GRK5: variants seen among roughly 807,000 people sequenced by gnomAD.
GRK5 encodes g protein-coupled receptor kinase GRK5.
GRK5 carries 40 observed loss-of-function variants against 78.4 expected under a neutral mutation model. That is an observed-to-expected ratio of 0.51 (90% CI 0.40 to 0.66). The LOEUF (loss-of-function observed/expected upper bound fraction) is 0.66. Ranked by LOEUF, GRK5 falls within the 30% of genes least tolerant of loss-of-function variation. GRK5 has a pLI of 0.00. For synonymous variants in GRK5, 289 were observed against 296.8 expected (o/e 0.97, Z 0.27); for missense variants, 598 against 759.9 (o/e 0.79, Z 2.50).
At position 119,425,003 on chromosome 10, in the gene GRK5, G is replaced by A. The variant is rs142641433; in HGVS notation, c.451G>A (p.Glu151Lys). The A allele has an allele frequency of 3.4e-5, 55 of 1,611,360 alleles. No homozygotes were observed. In the East Asian group the frequency reaches 3.8e-4, roughly 11 times the overall value. ...LFSACAQSVH[E>K]YLRGEPFHEY... Reference sequence around the variant, plus strand: ...TTCCATCTGCACTAGGTCTGTCCACGAGTACCTGAGGGGAGAACCATTCCA... The same window carrying A: ...TTCCATCTGCACTAGGTCTGTCCACAAGTACCTGAGGGGAGAACCATTCCA... The change falls in exon 6 of 16, where the codon GAG (glutamate) becomes AAG (lysine). Residue 151 changes from glutamate to lysine, a missense_variant. Physicochemically the swap from Glu to Lys is moderately conservative, Grantham distance 56 (BLOSUM62 1). Coordinates refer to ENST00000392870, the MANE Select transcript of GRK5 (RefSeq NM_005308.3).
intron 5 of GRK5, among the ~76,000 whole-genome samples, chr10:119,423,618 G>A (rs1261203226): frequency 6.6e-6 from 1 of 152,176 alleles, no homozygotes; most frequent in Non-Finnish European, 1.5e-5. Flanking sequence ...TGCAGGGGGA[G>A]CTTCTCAGCC....
rs189973518 is a variant in GRK5, at chr10:119,425,029, C to G, written c.477C>G (p.His159Gln). ...AGTACCTGAGGGGAGAACCATTCCACGAATATCTGGACAGCATGTTTTTTG... is the reference window on the plus strand; with the variant it reads ...AGTACCTGAGGGGAGAACCATTCCAGGAATATCTGGACAGCATGTTTTTTG... ...VHEYLRGEPF[H>Q]EYLDSMFFDR... The change falls in exon 6 of 16, where the codon CAC becomes CAG. Residue 159 changes from histidine to glutamine, a missense_variant. By Grantham distance (24) the His-to-Gln change is conservative (BLOSUM62 0). Transcript: ENST00000392870. 2 of 1,613,864 alleles carry G rather than the reference C, an allele frequency of 1.2e-6. No homozygotes were observed. The highest frequency in any genetic ancestry group is 2.2e-5 in the East Asian group (1 of 44,880).
intron 1 of GRK5, among the ~76,000 whole-genome samples, chr10:119,232,145 C>T (rs565995936): frequency 1.2e-4 from 19 of 152,308 alleles, no homozygotes; most frequent in Non-Finnish European, 2.2e-4. Flanking sequence ...GGAATCTATT[C>T]GGCCCTGAAG....
At chr10:119,208,065 T>C (rs1848419034) in intron 1 of GRK5, 96 bp downstream of exon 1, 2 of 1,169,746 alleles carry the variant, frequency 1.7e-6, no homozygotes, top group African/African-American at 3.2e-5. Context: ...CCGTGCAGGA[T>C]GCCCGCTGCC....
intron 14 of GRK5, 29 bp from the exon 15 acceptor site, chr10:119,453,116 C>A: frequency 7.1e-7 from 1 of 1,403,586 alleles, no homozygotes; most frequent in Non-Finnish European, 1.0e-6. Flanking sequence ...CAGTTGACGG[C>A]CTGTGTTTTG....
intron 2 of GRK5, among the ~76,000 whole-genome samples, chr10:119,372,425 A>C (rs536576194): frequency 1.2e-4 from 19 of 152,340 alleles, no homozygotes; most frequent in Admixed American, 5.2e-4. Context: ...ACAGTGTAGC[A>C]CTTTACTGCA....
At position 119,441,991 on chromosome 10, in the gene GRK5, C is replaced by A; in HGVS notation, c.968-8C>A. On this transcript the variant is annotated splice_polypyrimidine_tract_variant and splice_region_variant and intron_variant, in intron 10 of 15. Transcript: ENST00000392870. ...CCAGGGACCCACTGACCCTGCTGTC[C>A]CCCTCAGGCCACATTAGGATCTCAG... 1.9e-6 allele frequency: 3 copies of A among 1,612,796 alleles called. No homozygotes were observed. Among genetic ancestry groups the A allele is most frequent in the East Asian group, 2.2e-5 (1 of 44,878 alleles).
chr10:119,393,659 A>G (rs887285808), intron 3 of GRK5, among the ~76,000 whole-genome samples: 3 of 152,212 alleles, frequency 2.0e-5, no homozygotes, highest in Non-Finnish European at 4.4e-5. Context: ...TCATTCTGGA[A>G]AACAGCAGGC....
At chr10:119,411,048 G>A (rs781041924) in intron 4 of GRK5, among the ~76,000 whole-genome samples, 22 of 151,872 alleles carry the variant, frequency 1.4e-4, no homozygotes, top group East Asian at 3.9e-4. Flanking sequence ...CAGGGAACCC[G>A]TATGGCTGAT....
chr10:119,449,011 G>C (rs994861791), intron 13 of GRK5, among the ~76,000 whole-genome samples: 1 of 152,146 alleles, frequency 6.6e-6, no homozygotes, highest in Non-Finnish European at 1.5e-5. Flanking sequence ...GCTGTGCTTC[G>C]GCTCCTGCCA....
chr10:119,360,739 T>G (rs1851349894), intron 2 of GRK5, among the ~76,000 whole-genome samples: 1 of 152,190 alleles, frequency 6.6e-6, no homozygotes, highest in African/African-American at 2.4e-5. Flanking sequence ...CTGTCCGTCC[T>G]CTTCCTCCCT....
At chr10:119,280,928 C>T (rs191391382) in intron 1 of GRK5, among the ~76,000 whole-genome samples, 80 of 152,038 alleles carry the variant, frequency 5.3e-4, no homozygotes, top group African/African-American at 1.8e-3. Flanking sequence ...TACAGGCGTG[C>T]GCCACCACGC....
intron 1 of GRK5, among the ~76,000 whole-genome samples, chr10:119,310,939 T>A (rs968785860): frequency 6.6e-6 from 1 of 152,090 alleles, no homozygotes; most frequent in African/African-American, 2.4e-5. Context: ...GAGAACCCCT[T>A]CTCTTTCCAC....
chr10:119,267,975 G>A lies in GRK5; in HGVS notation c.53-58541G>A, dbSNP rs192110310. ...CTGAGGACAAGAGGAAGAGGAGGAC[G>A]GAGTCTCCCTTGTTTGTGCTGATTC... On this transcript the variant is annotated intron_variant, in intron 1 of 15. Coordinates refer to ENST00000392870, the MANE Select transcript of GRK5 (RefSeq NM_005308.3). This position sits in a 1 kb window ranked among gnomAD's most constrained non-coding sequence, Gnocchi z 4.1. 1.3e-3 allele frequency among the ~76,000 whole-genome samples: 191 copies of A among 152,264 alleles called. 1 individual carries two copies. Among genetic ancestry groups the A allele is most frequent in the African/African-American group, 4.1e-3 (169 of 41,550 alleles).
rs536239610 is a variant in GRK5, at chr10:119,427,855, G to A, written c.534-2520G>A. The stretch of plus-strand genomic sequence containing the variant: ...CACTGCCATCATCAGCATCACTGCT[G>A]TTATCAATATCCCACTGCCATCAAC... On this transcript the variant is annotated intron_variant, in intron 6 of 15. Coordinates refer to ENST00000392870, the MANE Select transcript of GRK5 (RefSeq NM_005308.3). Among the ~76,000 whole-genome samples the A allele has an allele frequency of 6.0e-5, 9 of 148,920 alleles. No individual in the cohort carries two copies. In the East Asian group the frequency reaches 1.6e-3, roughly 26 times the overall value.
intron 2 of GRK5, among the ~76,000 whole-genome samples, chr10:119,346,030 C>T (rs1012161120): frequency 2.6e-5 from 4 of 152,120 alleles, no homozygotes; most frequent in South Asian, 2.1e-4. Flanking sequence ...ACATGTGTCC[C>T]CACCAAACAT....
chr10:119,270,050 G>A (rs767992750), intron 1 of GRK5, among the ~76,000 whole-genome samples: 2 of 152,044 alleles, frequency 1.3e-5, no homozygotes, highest in East Asian at 1.9e-4. Flanking sequence ...CCAGAGTCCC[G>A]TGCTCTCCTC....
chr10:119,420,353 CAAA>C (rs71480796), intron 4 of GRK5, among the ~76,000 whole-genome samples: 17 of 25,892 alleles, frequency 6.6e-4, no homozygotes, highest in African/African-American at 1.4e-3. Context: ...AACAAACAAA[CAAA>C]AAAAAAAAAC....
At chr10:119,427,090 C>CGCCATCATCAGCATCACT (rs1852698886) in intron 6 of GRK5, among the ~76,000 whole-genome samples, 1 of 152,016 alleles carries the variant, frequency 6.6e-6, no homozygotes, top group South Asian at 2.1e-4. Context: ...TCAGCATCAC[C>CGCCATCATCAGCATCACT]GCCATCATCA....
Sources: gnomAD v4.1 joint callset for allele counts (sites outside exome capture counted in the v4.1 genomes callset) on GRCh38, gnomAD v4.1.1 for gene constraint, Gnocchi (gnomAD v3.1) non-coding constraint, MANE v1.5 for transcripts, NCBI Gene and HGNC (gene_info 2026-07-23, HGNC 2026-07-21) for gene names.